Variants in CFAP58 observed in about 807,000 individuals in gnomAD.
CFAP58 encodes the protein cilia- and flagella-associated protein 58.
A neutral mutation model predicts 119.5 loss-of-function variants in CFAP58; 88 were observed. That is an observed-to-expected ratio of 0.74 (90% CI 0.62 to 0.88). The LOEUF is 0.88. CFAP58 is among the 40% of genes least tolerant of loss of function. The pLI, the probability that CFAP58 is intolerant of heterozygous loss-of-function variation, is 0.00. For synonymous variants in CFAP58, 365 were observed against 366.3 expected, an observed-to-expected ratio of 1.00 and a Z score of 0.04; for missense variants, 990 against 1,021.2, an observed-to-expected ratio of 0.97 and a Z score of 0.42.
intron 11 of CFAP58, among the ~76,000 whole-genome samples, chr10:104,394,370 GA>G (rs776614156): frequency 9.9e-5 from 15 of 152,162 alleles, no homozygotes; most frequent in Admixed American, 5.2e-4. Context: ...GCCACTTGCA[GA>G]AACTGTTTAC....
chr10:104,346,633 CTTTTTTT>C, the CFAP58 span, among the ~76,000 whole-genome samples: 1 of 101,112 alleles, frequency 9.9e-6, no homozygotes, highest in Non-Finnish European at 1.9e-5. Flanking sequence ...GCCATTTAGT[CTTTTTTT>C]TTTTTTTTTT....
At chr10:104,357,007 G>A (rs1322861490) in intron 1 of CFAP58, among the ~76,000 whole-genome samples, 1 of 152,174 alleles carries the variant, frequency 6.6e-6, no homozygotes, top group African/African-American at 2.4e-5. Context: ...TGCTAGAGCA[G>A]CCATAACAAA....
the CFAP58 span, among the ~76,000 whole-genome samples, chr10:104,341,746 A>T: frequency 6.6e-6 from 1 of 152,110 alleles, no homozygotes; most frequent in African/African-American, 2.4e-5. Context: ...CATCATTAAT[A>T]GATCAAAAGA....
intron 2 of CFAP58, among the ~76,000 whole-genome samples, chr10:104,359,177 A>G (rs1347610799): frequency 6.6e-6 from 1 of 152,182 alleles, no homozygotes; most frequent in Non-Finnish European, 1.5e-5. Flanking sequence ...TTCATCCTTA[A>G]GTGTGTTGCA....
the CFAP58 span, among the ~76,000 whole-genome samples, chr10:104,339,818 G>A: frequency 6.6e-6 from 1 of 152,108 alleles, no homozygotes; most frequent in Non-Finnish European, 1.5e-5. Context: ...GGGCGATCTG[G>A]GGAAACGGTC....
intron 15 of CFAP58, among the ~76,000 whole-genome samples, chr10:104,426,878 C>T (rs2012759542): frequency 6.6e-6 from 1 of 152,198 alleles, no homozygotes; most frequent in South Asian, 2.1e-4. Flanking sequence ...TTTTCCTCTT[C>T]CTTTCCAATA....
At chr10:104,393,090 C>T (rs1169116889) in intron 10 of CFAP58, among the ~76,000 whole-genome samples, 2 of 152,054 alleles carry the variant, frequency 1.3e-5, no homozygotes, top group African/African-American at 2.4e-5. Context: ...AAGGTGTGTG[C>T]GTGTGATGTT....
At chr10:104,406,615 T>A in intron 14 of CFAP58, 74 bp from the exon 15 acceptor site, 2 of 1,154,554 alleles carry the variant, frequency 1.7e-6, no homozygotes, top group Non-Finnish European at 1.3e-6. Context: ...TAAGACAATG[T>A]GCATTTTACA....
chr10:104,393,525 C>T (rs1329495570), intron 11 of CFAP58, 50 bp downstream of exon 11: 2 of 1,551,386 alleles, frequency 1.3e-6, no homozygotes, highest in South Asian at 1.2e-5. Flanking sequence ...TCAGCCCGCT[C>T]AGGCGGCCTC....
intron 11 of CFAP58, 114 bp from the exon 12 acceptor site, chr10:104,399,246 G>A (rs1018361806): frequency 5.5e-6 from 6 of 1,095,868 alleles, no homozygotes; most frequent in Non-Finnish European, 7.8e-6. Context: ...TGTGTTAAAT[G>A]AAACATCAGA....
At chr10:104,367,012 C>T (rs548571624) in intron 5 of CFAP58, among the ~76,000 whole-genome samples, 2 of 152,108 alleles carry the variant, frequency 1.3e-5, no homozygotes, top group South Asian at 4.1e-4. Context: ...GAGTCTGCCA[C>T]CATGCCTGGC....
chr10:104,360,044 G>T (rs1169627942), intron 2 of CFAP58, among the ~76,000 whole-genome samples: 1 of 152,136 alleles, frequency 6.6e-6, no homozygotes, highest in African/African-American at 2.4e-5. Flanking sequence ...AGTTACCCAA[G>T]AGTAATCTGT....
At chr10:104,358,654 G>T (rs2014628227) in intron 2 of CFAP58, 32 bp downstream of exon 2, 2 of 1,584,304 alleles carry the variant, frequency 1.3e-6, no homozygotes, top group Non-Finnish European at 1.7e-6. Context: ...GAATGAACCT[G>T]AATTTAAAAC....
chr10:104,400,299 A>G (rs1033894155), intron 12 of CFAP58, among the ~76,000 whole-genome samples: 8 of 152,010 alleles, frequency 5.3e-5, no homozygotes, highest in Non-Finnish European at 8.8e-5. Flanking sequence ...GACATGTGCC[A>G]CTGCACCTGG....
At chr10:104,448,952 G>A (rs192661713) in intron 16 of CFAP58, among the ~76,000 whole-genome samples, 84 of 152,354 alleles carry the variant, frequency 5.5e-4, no homozygotes, top group African/African-American at 1.9e-3. Context: ...AAGGCTCACA[G>A]GAGCCTTTTG....
At chr10:104,450,526 T>G in intron 17 of CFAP58, among the ~76,000 whole-genome samples, 1 of 152,212 alleles carries the variant, frequency 6.6e-6, no homozygotes, top group Non-Finnish European at 1.5e-5. Flanking sequence ...TAACTATGTT[T>G]GCAAATGAGT....
intron 1 of CFAP58, among the ~76,000 whole-genome samples, 183 bp downstream of exon 1, chr10:104,354,089 C>T (rs758250894): frequency 2.0e-5 from 3 of 152,196 alleles, no homozygotes; most frequent in Non-Finnish European, 4.4e-5. Context: ...CCTGTTTCTC[C>T]TTCATTTGTG....
chr10:104,428,006 C>T (rs962938237), intron 15 of CFAP58, among the ~76,000 whole-genome samples: 2 of 152,106 alleles, frequency 1.3e-5, no homozygotes, highest in African/African-American at 2.4e-5. Flanking sequence ...TGCAAACACA[C>T]GTAAGCACAT....
At chr10:104,445,914 T>C (rs990398645) in intron 15 of CFAP58, among the ~76,000 whole-genome samples, 4 of 152,222 alleles carry the variant, frequency 2.6e-5, no homozygotes, top group Non-Finnish European at 5.9e-5. Context: ...AGTAAGATGG[T>C]CTTTTCAGTT....
Sources: allele counts gnomAD v4.1 joint callset (sites outside exome capture counted in the v4.1 genomes callset), GRCh38; gene constraint gnomAD v4.1.1; transcripts MANE v1.5; gene names NCBI Gene and HGNC (gene_info 2026-07-23, HGNC 2026-07-21).